The following CEP85L variants were observed in gnomAD, a reference collection of about 807,000 sequenced individuals.
The protein encoded by CEP85L is centrosomal protein 85L.
Under a neutral mutation model 100.3 loss-of-function variants are expected in CEP85L, and 60 were observed. The observed-to-expected ratio is 0.60, with a 90% confidence interval of 0.49 to 0.74. CEP85L has a LOEUF of 0.74. CEP85L is among the 30% of genes least tolerant of loss of function. The pLI is 0.00. For missense variants in CEP85L, 973 were observed against 936.2 expected, an observed-to-expected ratio of 1.04 and a Z score of -0.51; for synonymous variants, 319 against 322.7, an observed-to-expected ratio of 0.99 and a Z score of 0.12.
At chr6:118,507,142 G>A (rs975774471) in intron 5 of CEP85L, among the ~76,000 whole-genome samples, 1 of 152,114 alleles carries the variant, frequency 6.6e-6, no homozygotes, top group Non-Finnish European at 1.5e-5. Flanking sequence ...AATTTACAAT[G>A]TGTAAGTTTA....
intron 3 of CEP85L, among the ~76,000 whole-genome samples, chr6:118,525,540 G>C (rs1482711107): frequency 1.3e-5 from 2 of 152,180 alleles, no homozygotes; most frequent in African/African-American, 4.8e-5. Context: ...TATGTGAAGA[G>C]ACACAGAGAC....
chr6:118,680,305 GC>G (rs1562356101), intron 1 of CEP85L, among the ~76,000 whole-genome samples: 249 of 85,156 alleles, frequency 2.9e-3, no homozygotes, highest in Non-Finnish European at 3.7e-3. Flanking sequence ...CCTTGGTGTT[GC>G]TTTTTTTTTT....
At chr6:118,682,085 C>T (rs552679943) in intron 1 of CEP85L, among the ~76,000 whole-genome samples, 1 of 152,224 alleles carries the variant, frequency 6.6e-6, no homozygotes, top group East Asian at 1.9e-4. Context: ...TACTTCTAAT[C>T]ATAATATTTC....
At chr6:118,543,927 T>C (rs1038333478) in intron 3 of CEP85L, among the ~76,000 whole-genome samples, 1 of 152,034 alleles carries the variant, frequency 6.6e-6, no homozygotes, top group Admixed American at 6.5e-5. Context: ...TCTATGAAAG[T>C]TAAGAGGAGA....
chr6:118,651,909 A>C (rs1471778381), upstream of CEP85L: 2 of 985,460 alleles, frequency 2.0e-6, no homozygotes, highest in Non-Finnish European at 1.2e-6. Context: ...ACCTCTGTGA[A>C]GACACGTGGA....
At chr6:118,686,022 CT>C (rs765595516) in intron 1 of CEP85L, among the ~76,000 whole-genome samples, 19 of 152,236 alleles carry the variant, frequency 1.2e-4, no homozygotes, top group Non-Finnish European at 1.8e-4. Flanking sequence ...AAGAAAGGAA[CT>C]CGATTCATTC....
intron 1 of CEP85L, among the ~76,000 whole-genome samples, chr6:118,637,388 A>G (rs1325245967): frequency 2.6e-5 from 4 of 152,058 alleles, no homozygotes; most frequent in Non-Finnish European, 5.9e-5. Context: ...AAGTAAGCAA[A>G]CCACATAAAT....
intron 3 of CEP85L, among the ~76,000 whole-genome samples, 194 bp from the exon 4 acceptor site, chr6:118,524,114 T>C (rs1776822751): frequency 6.6e-6 from 1 of 152,094 alleles, no homozygotes; most frequent in Admixed American, 6.5e-5. Flanking sequence ...AATGTATACA[T>C]CTAATGAAGA....
intron 3 of CEP85L, among the ~76,000 whole-genome samples, chr6:118,556,650 A>C (rs937109414): frequency 2.0e-5 from 3 of 152,196 alleles, no homozygotes; most frequent in Admixed American, 6.5e-5. Flanking sequence ...GTATAAAAGG[A>C]CTTAGGAGAA....
intron 4 of CEP85L, among the ~76,000 whole-genome samples, chr6:118,515,417 A>C (rs1294224881): frequency 6.6e-6 from 1 of 152,214 alleles, no homozygotes. Flanking sequence ...TACTCCCCAC[A>C]AAAGACAAAA....
intron 2 of CEP85L, among the ~76,000 whole-genome samples, chr6:118,619,109 T>C (rs996281616): frequency 3.3e-5 from 5 of 151,580 alleles, no homozygotes; most frequent in African/African-American, 1.2e-4. Flanking sequence ...AAGGGGAAGA[T>C]GAGTCCCTAA....
chr6:118,528,719 A>C (rs547492405), intron 3 of CEP85L, among the ~76,000 whole-genome samples: 4 of 152,188 alleles, frequency 2.6e-5, no homozygotes, highest in Non-Finnish European at 5.9e-5. Flanking sequence ...AGTTACGGAG[A>C]CATTTTACCT....
chr6:118,521,245 T>C (rs996585791), intron 4 of CEP85L, among the ~76,000 whole-genome samples: 43 of 152,218 alleles, frequency 2.8e-4, no homozygotes, highest in Non-Finnish European at 5.9e-4. Context: ...TTAAAGGCCA[T>C]TACTCTCATC....
intron 5 of CEP85L, chr6:118,501,466 T>A: frequency 2.4e-6 from 1 of 409,792 alleles, no homozygotes; most frequent in Non-Finnish European, 4.7e-6. Flanking sequence ...AGAGAAAAGA[T>A]CCAAGTGCTC....
Position 118,470,586 on chromosome 6 carries a change from A to C in CEP85L, c.1973T>G (p.Leu658Arg). 2 of 1,607,502 alleles carry C rather than the reference A, an allele frequency of 1.2e-6. No individual in the cohort carries two copies. Among genetic ancestry groups the C allele is most frequent in the Non-Finnish European group, 1.7e-6 (2 of 1,176,822 alleles). Residue 658 changes from leucine to arginine, a missense_variant, in exon 11 of 13, where the codon CTG becomes CGG. This residue lies in a region of CEP85L where 890 missense variants were observed against 844.5 expected (regional missense o/e 1.05). Coordinates refer to ENST00000368491, the MANE Select transcript of CEP85L (RefSeq NM_001042475.3). ...CTGTACATTTCTTTCTTTCTTTTCC[A>C]GCTCTTCCATCATCTTTTGAGTGGT... ...KLTTQKMMEE[L>R]EKKERNVQRL...
chr6:118,496,356 T>A (rs376974622), intron 5 of CEP85L, among the ~76,000 whole-genome samples: 1 of 139,460 alleles, frequency 7.2e-6, no homozygotes, highest in Non-Finnish European at 1.5e-5. Context: ...TATTTTATAT[T>A]TTTTATTTTA....
At chr6:118,471,782 A>G (rs1433027880) in intron 10 of CEP85L, among the ~76,000 whole-genome samples, 1 of 150,710 alleles carries the variant, frequency 6.6e-6, no homozygotes, top group Non-Finnish European at 1.5e-5. Flanking sequence ...AAAAAAAAGC[A>G]CCAAGTCAAC....
intron 1 of CEP85L, among the ~76,000 whole-genome samples, chr6:118,690,396 GC>G (rs1363058437): frequency 1.3e-5 from 2 of 152,066 alleles, no homozygotes; most frequent in Non-Finnish European, 1.5e-5. Context: ...ATGACCTGAA[GC>G]TTTTCCTTTA....
Position 118,517,638 on chromosome 6 carries a change from C to G in CEP85L, c.1139+6164G>C, listed in dbSNP as rs568448617. On this transcript the variant is annotated intron_variant, in intron 4 of 12. Coordinates refer to ENST00000368491, the MANE Select transcript of CEP85L (RefSeq NM_001042475.3). The stretch of plus-strand genomic sequence containing the variant: ...CTTATCGGCTCAAGGAGATTTTGGG[C>G]TGAGACGACGCAGGTTTCTAAATAT... 8.5e-4 allele frequency among the ~76,000 whole-genome samples: 130 copies of G among 152,312 alleles called. 4 individuals carry two copies. The South Asian group carries it at 0.01, about 12-fold the overall frequency.
Sources: gnomAD v4.1 joint callset for allele counts (sites outside exome capture counted in the v4.1 genomes callset) on GRCh38, gnomAD v4.1.1 for gene constraint, gnomAD v4.1.1 regional missense constraint, MANE v1.5 for transcripts, NCBI Gene and HGNC (gene_info 2026-07-23, HGNC 2026-07-21) for gene names.